The following SLC35F5 variants were observed in gnomAD, a reference collection of about 807,000 sequenced individuals.
SLC35F5 encodes the protein HCV NS5A-transactivated protein 3.
Under a neutral mutation model 68.6 loss-of-function variants are expected in SLC35F5, and 54 were observed. That is an observed-to-expected ratio of 0.79 (90% CI 0.63 to 0.99). SLC35F5 has a LOEUF of 0.99. Ranked by LOEUF, SLC35F5 falls within the 50% of genes least tolerant of loss-of-function variation. The probability of loss-of-function intolerance (pLI) is 0.00; values close to 1 mark genes in which losing one functional copy is unlikely to be tolerated. For synonymous variants in SLC35F5, 211 were observed against 205.2 expected (o/e 1.03, Z -0.24); for missense variants, 567 against 626.9 (o/e 0.90, Z 1.02).
At chr2:113,731,741 C>T in intron 9 of SLC35F5, 93 bp from the exon 10 acceptor site, 1 of 966,834 alleles carries the variant, frequency 1.0e-6, no homozygotes, top group Non-Finnish European at 1.6e-6. Flanking sequence ...CAAGACTAAT[C>T]TCAACTTTGG....
intron 11 of SLC35F5, among the ~76,000 whole-genome samples, chr2:113,728,719 C>A (rs746752309): frequency 6.6e-6 from 1 of 152,162 alleles, no homozygotes; most frequent in Non-Finnish European, 1.5e-5. Flanking sequence ...ACTTTGAACT[C>A]TTATCATGGA....
intron 13 of SLC35F5, among the ~76,000 whole-genome samples, chr2:113,720,509 C>T (rs1687389807): frequency 6.6e-6 from 1 of 151,954 alleles, no homozygotes; most frequent in South Asian, 2.1e-4. Flanking sequence ...ACATGCATGC[C>T]CTATTTCTAT....
At chr2:113,744,232 A>G (rs1186288373) in intron 5 of SLC35F5, among the ~76,000 whole-genome samples, 1 of 152,184 alleles carries the variant, frequency 6.6e-6, no homozygotes, top group Non-Finnish European at 1.5e-5. Context: ...CTCAGTGATC[A>G]TGCAGTCTAA....
At chr2:113,728,500 G>A (rs2104429320) in intron 11 of SLC35F5, among the ~76,000 whole-genome samples, 2 of 152,288 alleles carry the variant, frequency 1.3e-5, no homozygotes, top group Middle Eastern at 3.4e-3. Flanking sequence ...AAGTAGAGCT[G>A]TTCCACAGGT....
At position 113,708,446 on chromosome 2, in the gene SLC35F5, C is replaced by T. The variant is rs1413616838; in HGVS notation, c.*6772G>A. ...ATAGCTGGGCGCAGTGGCTCACACC[C>T]GTAATCCCAGCACTTTGGGAGGCCG... On this transcript the variant is annotated 3_prime_UTR_variant, in exon 16 of 16. Coordinates refer to ENST00000245680, the MANE Select transcript of SLC35F5 (RefSeq NM_025181.5). Among the ~76,000 whole-genome samples the T allele has an allele frequency of 5.3e-5, 8 of 152,104 alleles. No individual in the cohort carries two copies. The South Asian group carries it at 6.2e-4, about 12-fold the overall frequency.
At chr2:113,755,861 A>G in intron 1 of SLC35F5, 1 of 1,550,554 alleles carries the variant, frequency 6.4e-7, no homozygotes. Context: ...TCACCTCTCC[A>G]TCCAGAGGAA....
At chr2:113,745,048 A>G (rs1018878011) in intron 5 of SLC35F5, among the ~76,000 whole-genome samples, 1 of 152,214 alleles carries the variant, frequency 6.6e-6, no homozygotes, top group African/African-American at 2.4e-5. Context: ...AATTCAGTAA[A>G]TGAAGGGACA....
Position 113,733,302 on chromosome 2 carries a change from C to T in SLC35F5, c.920+1284G>A, listed in dbSNP as rs186753572. On this transcript the variant is annotated intron_variant, in intron 9 of 15. Coordinates refer to ENST00000245680, the MANE Select transcript of SLC35F5 (RefSeq NM_025181.5). ...CCAGCAGCTGACCCAACATAGTTTG[C>T]CAACCTCTGTTCGTCTACCTACTTT... The T allele has an allele frequency of 5.8e-5, 15 of 259,320 alleles. No homozygotes were observed. In the East Asian group the frequency reaches 2.1e-3, roughly 37 times the overall value. 16.1% of individuals were successfully genotyped at this position (259,320 alleles called of 1,614,324 possible). A position where few individuals can be genotyped will look rare whatever the true frequency, so the allele number is the denominator to read the frequency against.
rs1419633905 is a variant in SLC35F5, at chr2:113,718,920, A to G, written c.1496+234T>C. ...AAGAAAGAAAGAAAGAAAGAAAGAA[A>G]GAAAGAAAAAGAAAGGAAGAAAGGA... On this transcript the variant is annotated intron_variant, in intron 14 of 15. Coordinates refer to ENST00000245680, the MANE Select transcript of SLC35F5 (RefSeq NM_025181.5). Among the ~76,000 whole-genome samples, 304 of 58,584 alleles carry G rather than the reference A, an allele frequency of 5.2e-3. 5 individuals carry two copies. The highest frequency in any genetic ancestry group is 0.014 in the African/African-American group (280 of 20,212). The allele number at this position is 58,584 out of a possible 152,430, so 38.4% of individuals were successfully genotyped here.
rs1368897148 is a variant in SLC35F5 at position 113,742,785 on chromosome 2, T to C, written c.657A>G (p.Ser219=). The stretch of plus-strand genomic sequence containing the variant: ...TGGATTCTTGTTCTTTCACAGGATA[T>C]GACATGCGAGACAACTTTGCTTCCA... ...HALEAKLSRM[S]YPVKEQESIL... The change falls in exon 7 of 16, where the codon TCA becomes TCG. Residue 219 remains serine, a synonymous_variant. Transcript: ENST00000245680. 1.2e-6 allele frequency: 2 copies of C among 1,614,054 alleles called. No homozygotes were observed. Among genetic ancestry groups the C allele is most frequent in the Non-Finnish European group, 1.7e-6 (2 of 1,180,022 alleles).
rs1687044899 is a variant in SLC35F5, at chr2:113,712,984, A to T, written c.*2234T>A. On this transcript the variant is annotated 3_prime_UTR_variant, in exon 16 of 16. Coordinates refer to ENST00000245680, the MANE Select transcript of SLC35F5 (RefSeq NM_025181.5). ...GTTTCTAGGTGATCTACAGAATTGA[A>T]ACAACCCAGCACAACTTTATTTCTT... 6.6e-6 allele frequency: 1 copy of T among 152,216 alleles called. No homozygotes were observed. The highest frequency in any genetic ancestry group is 1.5e-5 in the Non-Finnish European group (1 of 68,048). The allele number at this position is 152,216 out of a possible 1,614,324, so 9.4% of individuals were successfully genotyped here.
intron 7 of SLC35F5, among the ~76,000 whole-genome samples, chr2:113,741,142 C>T (rs1435758741): frequency 2.6e-5 from 4 of 152,240 alleles, no homozygotes; most frequent in Middle Eastern, 3.4e-3. Context: ...CCTGGATGAA[C>T]CTGGAGGACA....
chr2:113,735,878 A>C lies in SLC35F5; in HGVS notation c.751-20T>G. 1.3e-6 allele frequency: 2 copies of C among 1,494,468 alleles called. No individual in the cohort carries two copies. Among genetic ancestry groups the C allele is most frequent in the Non-Finnish European group, 1.9e-6 (2 of 1,078,668 alleles). 92.6% of individuals were successfully genotyped at this position (1,494,468 alleles called of 1,614,324 possible). The stretch of plus-strand genomic sequence containing the variant: ...AAACCACTAAAGAAAAAGAAAACCA[A>C]AGTGAACCCTAATGAAAGACATGTT... On this transcript the variant is annotated intron_variant, in intron 7 of 15. Transcript: ENST00000245680.
At chr2:113,737,579 C>G (rs1212793702) in intron 7 of SLC35F5, among the ~76,000 whole-genome samples, 1 of 152,176 alleles carries the variant, frequency 6.6e-6, no homozygotes, top group Non-Finnish European at 1.5e-5. Context: ...TTTCTTGACC[C>G]ACTTCTCTTA....
chr2:113,719,517 A>C, intron 13 of SLC35F5: 1 of 410,490 alleles, frequency 2.4e-6, no homozygotes, highest in Non-Finnish European at 4.2e-6. Flanking sequence ...ATTACCAACA[A>C]CAATAGTTCT....
intron 1 of SLC35F5, 128 bp downstream of exon 1, chr2:113,756,242 C>T: frequency 1.3e-6 from 2 of 1,534,596 alleles, no homozygotes; most frequent in Non-Finnish European, 1.7e-6. Flanking sequence ...TCCCTCCGCC[C>T]CTAGAGACCT....
At chr2:113,728,792 C>T (rs1687767583) in intron 11 of SLC35F5, among the ~76,000 whole-genome samples, 1 of 152,204 alleles carries the variant, frequency 6.6e-6, no homozygotes, top group South Asian at 2.1e-4. Context: ...GTGTTCTTCT[C>T]CAGTCCTACA....
rs1215154720 is a variant in SLC35F5 at position 113,706,842 on chromosome 2, G to A, written c.*8376C>T. Among the ~76,000 whole-genome samples, 3 of 152,074 alleles carry A rather than the reference G, an allele frequency of 2.0e-5. No homozygotes were observed. Among genetic ancestry groups the A allele is most frequent in the Non-Finnish European group, 2.9e-5 (2 of 68,002 alleles). The stretch of plus-strand genomic sequence containing the variant: ...CATACTATAAATAGAATATACAAAT[G>A]ATTTTACACAAATGAAGCATTAAAA... On this transcript the variant is annotated 3_prime_UTR_variant, in exon 16 of 16. Transcript: ENST00000245680.
At position 113,755,762 on chromosome 2, in the gene SLC35F5, G is replaced by C. The variant is rs1004981137; in HGVS notation, c.41-218C>G. ...ATACGCGATACGGGGCGGGCAGGGA[G>C]GGGGAGTAATATACAACATACGGCA... On this transcript the variant is annotated intron_variant, in intron 1 of 15. Coordinates refer to ENST00000245680, the MANE Select transcript of SLC35F5 (RefSeq NM_025181.5). 1.5e-5 allele frequency: 19 copies of C among 1,252,180 alleles called. No homozygotes were observed. The East Asian group carries it at 4.5e-4, about 30-fold the overall frequency. 77.6% of individuals were successfully genotyped at this position (1,252,180 alleles called of 1,614,324 possible).
Sources: allele counts gnomAD v4.1 joint callset (sites outside exome capture counted in the v4.1 genomes callset), GRCh38; gene constraint gnomAD v4.1.1; transcripts MANE v1.5; gene names NCBI Gene and HGNC (gene_info 2026-07-23, HGNC 2026-07-21).